The following RHBDF1 variants were observed in gnomAD, a reference collection of about 807,000 sequenced individuals.
RHBDF1 encodes the protein rhomboid 5 homolog 1.
RHBDF1 carries 80 observed loss-of-function variants against 98.6 expected under a neutral mutation model. The observed-to-expected ratio is 0.81, with a 90% CI of 0.68 to 0.98. The LOEUF is 0.98. Ranked by LOEUF, RHBDF1 falls within the 50% of genes least tolerant of loss-of-function variation. The probability of loss-of-function intolerance (pLI) is 0.00; values close to 1 mark genes in which losing one functional copy is unlikely to be tolerated. For missense variants in RHBDF1, 1,116 were observed against 1,198.3 expected (o/e 0.93, Z 1.01); for synonymous variants, 512 against 486.8 (o/e 1.05, Z -0.68).
chr16:62,605 G>A lies in RHBDF1; in HGVS notation c.886C>T (p.Pro296Ser). The change falls in exon 7 of 18, where the codon CCG (proline) becomes TCG (serine). Residue 296 changes from proline (P) to serine (S), a missense_variant. Coordinates refer to ENST00000262316, the MANE Select transcript of RHBDF1 (RefSeq NM_022450.5). ...EAALKDWEKA[P>S]EQADLTGGAL... The stretch of plus-strand genomic sequence containing the variant: ...CCGCCGGTGAGGTCCGCCTGCTCCG[G>A]TGCCTTCTCCCAGTCCTTTAGCGCT... 3 of 1,613,832 alleles carry A rather than the reference G, an allele frequency of 1.9e-6. No individual in the cohort carries two copies. The highest frequency in any genetic ancestry group is 4.5e-5 in the East Asian group (2 of 44,874).
At chr16:59,858 G>C (rs1897542297) in intron 13 of RHBDF1, 32 bp from the exon 14 acceptor site, 1 of 1,613,842 alleles carries the variant, frequency 6.2e-7, no homozygotes, top group Non-Finnish European at 8.5e-7. Context: ...GCTGAGTCAG[G>C]GCCTCCCCCA....
At position 61,846 on chromosome 16, in the gene RHBDF1, C is replaced by T. The variant is rs1393519308; in HGVS notation, c.1160G>A (p.Arg387His). ...CTGGCGCTTGACGAAGCTGTCGATG[C>T]GCTTGCGGTAGGTGCGGTTGGTGAG... The part of the protein sequence containing the change: ...GRLTNRTYRK[R>H]IDSFVKRQIE... The change falls in exon 8 of 18, where the codon CGC becomes CAC. Residue 387 changes from arginine (R) to histidine (H), a missense_variant. Physicochemically the swap from Arg to His is conservative, Grantham distance 29. Transcript: ENST00000262316. 3.1e-6 allele frequency: 5 copies of T among 1,611,970 alleles called. No homozygotes were observed. The highest frequency in any genetic ancestry group is 2.2e-5 in the South Asian group (2 of 91,026).
intron 9 of RHBDF1, 27 bp from the exon 10 acceptor site, chr16:61,486 C>G (rs375012621): frequency 6.2e-7 from 1 of 1,611,948 alleles, no homozygotes. Flanking sequence ...CGGGATCAGA[C>G]GGGCCCCGAC....
At position 63,103 on chromosome 16, in the gene RHBDF1, G is replaced by C. The variant is rs138718501; in HGVS notation, c.542C>G (p.Pro181Arg). The change falls in exon 5 of 18, where the codon CCC (proline) becomes CGC (arginine). Residue 181 changes from proline (P) to arginine (R), a missense_variant. Physicochemically the swap from Pro to Arg is moderately radical, Grantham distance 103. Coordinates refer to ENST00000262316, the MANE Select transcript of RHBDF1 (RefSeq NM_022450.5). ...TAEGLSAPHTPVTPGAASLCS... is the reference protein window; with the variant it reads ...TAEGLSAPHTRVTPGAASLCS... ...GAGGGAGGCAGCACCCGGCGTGACGGGAGTGTGTGGGGCACTCAGGCCTTC... is the reference window on the plus strand; with the variant it reads ...GAGGGAGGCAGCACCCGGCGTGACGCGAGTGTGTGGGGCACTCAGGCCTTC... The C allele has an allele frequency of 2.8e-5, 45 of 1,607,732 alleles. No individual in the cohort carries two copies. The highest frequency in any genetic ancestry group is 3.6e-5 in the Non-Finnish European group (42 of 1,177,806).
Position 58,290 on chromosome 16 carries a change from G to A in RHBDF1, c.*50C>T, listed in dbSNP as rs1199110622. ...AGCCTGTGAGGCTCAGGGAGGTCGT[G>A]TCTGGCTCTGGCCTGCTGGAGCACA... On this transcript the variant is annotated 3_prime_UTR_variant, in exon 18 of 18. Transcript: ENST00000262316. The A allele has an allele frequency of 1.3e-6, 2 of 1,566,714 alleles. No homozygotes were observed. The highest frequency in any genetic ancestry group is 1.2e-5 in the South Asian group (1 of 83,998).
At position 60,181 on chromosome 16, in the gene RHBDF1, G is replaced by A. The variant is rs757721373; in HGVS notation, c.1722+35C>T. The stretch of plus-strand genomic sequence containing the variant: ...GTGGCATTCTCTCCCACATGACACG[G>A]AGGGCTCCCTAACAACCCCCCCACT... On this transcript the variant is annotated intron_variant, in intron 13 of 17. Transcript: ENST00000262316. 8.6e-5 allele frequency: 139 copies of A among 1,613,492 alleles called. 1 individual carries two copies. Among genetic ancestry groups the A allele is most frequent in the Non-Finnish European group, 1.2e-4 (136 of 1,179,746 alleles).
Position 61,947 on chromosome 16 carries a change from G to C in RHBDF1, c.1059C>G (p.Gly353=), listed in dbSNP as rs1222394290. 5.0e-6 allele frequency: 8 copies of C among 1,596,486 alleles called. No individual in the cohort carries two copies. ...EVVSTAGPRR[G]QRIAVPVRKL... ...TGCGCACCGGCACCGCGATACGCTG[G>C]CCCCGTCGCGGCCCCGCGGTGCTCA... The change falls in exon 8 of 18, where the codon GGC becomes GGG. Residue 353 remains glycine (G), a synonymous_variant. Transcript: ENST00000262316.
chr16:72,636 G>A (rs1898009305), upstream of RHBDF1: 2 of 944,986 alleles, frequency 2.1e-6, no homozygotes, highest in Non-Finnish European at 2.5e-6. Context: ...GAATGCCCTG[G>A]AGCGAGGGGC....
rs1897697318 is a variant in RHBDF1, at chr16:62,960, C to T, written c.672+13G>A. The T allele has an allele frequency of 6.2e-7, 1 of 1,612,118 alleles. No homozygotes were observed. Among genetic ancestry groups the T allele is most frequent in the South Asian group, 1.1e-5 (1 of 91,018 alleles). On this transcript the variant is annotated intron_variant, in intron 5 of 17. Transcript: ENST00000262316. ...GGTCGGCCCCCAACCCCGCCTTTGG[C>T]CCCTGCACCCACTTTCATCAGCGCT...
At chr16:65,302 T>A (rs894022748) in intron 1 of RHBDF1, among the ~76,000 whole-genome samples, 1 of 152,254 alleles carries the variant, frequency 6.6e-6, no homozygotes, top group African/African-American at 2.4e-5. Context: ...ATGGTCAGGA[T>A]ACTGCTCTAG....
upstream of RHBDF1, among the ~76,000 whole-genome samples, chr16:75,305 A>G (rs1241572250): frequency 6.6e-6 from 1 of 152,172 alleles, no homozygotes; most frequent in Non-Finnish European, 1.5e-5. Context: ...ACACGAGGGA[A>G]TGGGAGCCCT....
chr16:67,704 G>A (rs1387252861), intron 1 of RHBDF1, among the ~76,000 whole-genome samples: 1 of 152,208 alleles, frequency 6.6e-6, no homozygotes, highest in African/African-American at 2.4e-5. Context: ...ACATATGTAT[G>A]GGCCACTGTC....
At chr16:60,959 A>G in intron 11 of RHBDF1, 161 bp downstream of exon 11, 1 of 716,956 alleles carries the variant, frequency 1.4e-6, no homozygotes, top group Non-Finnish European at 2.2e-6. Flanking sequence ...GAGATGGGGG[A>G]GGGTGGGGAT....
At position 59,233 on chromosome 16, in the gene RHBDF1, C is replaced by G; in HGVS notation, c.1994+16G>C. ...AGGGCCCTGAGACCCCCGACCCGGC[C>G]CACAGTGTCACTTGCCCGGCGTGCA... On this transcript the variant is annotated intron_variant, in intron 16 of 17. Transcript: ENST00000262316. 2 of 1,594,302 alleles carry G rather than the reference C, an allele frequency of 1.3e-6. No individual in the cohort carries two copies. Among genetic ancestry groups the G allele is most frequent in the Non-Finnish European group, 1.7e-6 (2 of 1,167,970 alleles).
intron 8 of RHBDF1, 24 bp from the exon 9 acceptor site, chr16:61,720 G>T: frequency 2.5e-6 from 4 of 1,612,702 alleles, no homozygotes; most frequent in Middle Eastern, 1.7e-4. Context: ...CGTCAGCGGG[G>T]GCCTCATCCC....
At chr16:71,711 G>A (rs1444742843) in intron 1 of RHBDF1, among the ~76,000 whole-genome samples, 1 of 152,164 alleles carries the variant, frequency 6.6e-6, no homozygotes, top group Admixed American at 6.5e-5. Context: ...CACCTCGGTC[G>A]GAAGCAGGCC....
chr16:72,638 G>A, upstream of RHBDF1: 1 of 921,794 alleles, frequency 1.1e-6, no homozygotes, highest in Non-Finnish European at 1.2e-6. Context: ...ATGCCCTGGA[G>A]CGAGGGGCGT....
At chr16:65,884 G>A (rs990332020) in intron 1 of RHBDF1, among the ~76,000 whole-genome samples, 11 of 152,254 alleles carry the variant, frequency 7.2e-5, no homozygotes, top group South Asian at 2.1e-4. Flanking sequence ...GCAGTGAGGC[G>A]GCTCGGTGCC....
chr16:75,849 GA>G (rs1315734335), upstream of RHBDF1, among the ~76,000 whole-genome samples: 1 of 152,132 alleles, frequency 6.6e-6, no homozygotes, highest in East Asian at 1.9e-4. Context: ...GCTCTGACCT[GA>G]CACCCACCTC....
Sources: allele counts gnomAD v4.1 joint callset (sites outside exome capture counted in the v4.1 genomes callset), GRCh38; gene constraint gnomAD v4.1.1; transcripts MANE v1.5; gene names NCBI Gene and HGNC (gene_info 2026-07-23, HGNC 2026-07-21).